The following ORC4 variants were observed in gnomAD, a reference collection of about 807,000 sequenced individuals.
ORC4 encodes the protein origin recognition complex subunit 4.
A neutral mutation model predicts 63.9 loss-of-function variants in ORC4; 55 were observed. That is an observed-to-expected ratio of 0.86 (90% CI 0.69 to 1.08). The LOEUF is 1.08. ORC4 is among the 50% of genes least tolerant of loss of function. The probability of loss-of-function intolerance (pLI) is 0.00; values close to 1 mark genes in which losing one functional copy is unlikely to be tolerated. For missense variants in ORC4, 511 were observed against 504.4 expected (o/e 1.01, Z -0.13); for synonymous variants, 150 against 168.5 (o/e 0.89, Z 0.85).
At chr2:147,939,767 T>A (rs748741670) in intron 10 of ORC4, among the ~76,000 whole-genome samples, 19 of 152,164 alleles carry the variant, frequency 1.2e-4, no homozygotes, top group Non-Finnish European at 2.4e-4. Flanking sequence ...CACAGTCTCC[T>A]TCTCTTGTGC....
chr2:147,973,148 G>T (rs1048412596), intron 3 of ORC4, among the ~76,000 whole-genome samples: 13 of 152,240 alleles, frequency 8.5e-5, no homozygotes, highest in African/African-American at 2.4e-4. Context: ...TAATACTCTG[G>T]ACTTTTACTC....
chr2:147,956,569 G>A (rs1353747782), intron 6 of ORC4, among the ~76,000 whole-genome samples: 2 of 151,816 alleles, frequency 1.3e-5, no homozygotes, highest in African/African-American at 2.4e-5. Context: ...TATGACCTTC[G>A]GCAACCTAAT....
At chr2:147,978,119 G>A (rs532972719) in intron 1 of ORC4, among the ~76,000 whole-genome samples, 1 of 152,110 alleles carries the variant, frequency 6.6e-6, no homozygotes, top group African/African-American at 2.4e-5. Flanking sequence ...CCAGGATGCT[G>A]GGTAGGCAGA....
chr2:147,945,611 T>TA (rs1251704290), intron 9 of ORC4, among the ~76,000 whole-genome samples: 1 of 152,118 alleles, frequency 6.6e-6, no homozygotes, highest in Non-Finnish European at 1.5e-5. Flanking sequence ...CATGCTAAGA[T>TA]AGAGTCTACT....
intron 4 of ORC4, among the ~76,000 whole-genome samples, chr2:147,959,218 TG>T (rs1689439129): frequency 6.6e-6 from 1 of 152,078 alleles, no homozygotes; most frequent in Non-Finnish European, 1.5e-5. Flanking sequence ...CACATCTCTC[TG>T]ACAATTACTC....
intron 1 of ORC4, among the ~76,000 whole-genome samples, chr2:147,996,523 T>C (rs778245941): frequency 1.8e-4 from 28 of 152,282 alleles, no homozygotes; most frequent in Non-Finnish European, 3.5e-4. Context: ...GGGGATAAAA[T>C]ATGTGAAAAA....
chr2:147,987,411 C>CACAA (rs1242096622), intron 1 of ORC4, among the ~76,000 whole-genome samples: 2 of 146,588 alleles, frequency 1.4e-5, no homozygotes, highest in Admixed American at 6.8e-5. Flanking sequence ...CACACACACA[C>CACAA]AAAAAGTAAC....
intron 1 of ORC4, among the ~76,000 whole-genome samples, chr2:147,997,933 A>G (rs1692067336): frequency 6.6e-6 from 1 of 152,222 alleles, no homozygotes; most frequent in Non-Finnish European, 1.5e-5. Flanking sequence ...AAAATTTTAA[A>G]AACATGATGC....
In ORC4 at chr2:147,987,736, G is replaced by A. The variant is rs557177896; in HGVS notation, c.-17-11761C>T. Among the ~76,000 whole-genome samples the A allele has an allele frequency of 2.6e-5, 4 of 152,096 alleles. No individual in the cohort carries two copies. The East Asian group carries it at 5.8e-4, about 22-fold the overall frequency. Reference sequence around the variant, plus strand: ...ATATAAATGGTCAGTAAGGTGGCTGGTGCAAAATAACCCTCTGGAATAAGA... The same window carrying A: ...ATATAAATGGTCAGTAAGGTGGCTGATGCAAAATAACCCTCTGGAATAAGA... On this transcript the variant is annotated intron_variant, in intron 1 of 13. Transcript: ENST00000392857.
intron 1 of ORC4, among the ~76,000 whole-genome samples, chr2:148,002,814 T>C (rs1692397334): frequency 6.6e-6 from 1 of 151,974 alleles, no homozygotes; most frequent in Non-Finnish European, 1.5e-5. Context: ...AAAAAATAAA[T>C]GAATCCAGGA....
chr2:147,964,557 TGA>T (rs373529112), intron 4 of ORC4, among the ~76,000 whole-genome samples: 4 of 152,162 alleles, frequency 2.6e-5, no homozygotes, highest in Non-Finnish European at 4.4e-5. Flanking sequence ...TCCCAGTTCT[TGA>T]GAGAGGAATG....
intron 6 of ORC4, among the ~76,000 whole-genome samples, chr2:147,956,220 A>T (rs1287946732): frequency 6.6e-6 from 1 of 152,120 alleles, no homozygotes; most frequent in Non-Finnish European, 1.5e-5. Flanking sequence ...GATCTAACAT[A>T]AAAATAGCAT....
intron 1 of ORC4, among the ~76,000 whole-genome samples, chr2:147,988,052 CAAAA>C (rs1213881150): frequency 5.0e-5 from 3 of 60,232 alleles, no homozygotes; most frequent in African/African-American, 6.3e-5. Flanking sequence ...GACTCTGTCT[CAAAA>C]AAAAAAAAAA....
upstream of ORC4, chr2:148,021,415 GA>G (rs1381403337): frequency 1.5e-5 from 8 of 536,844 alleles, no homozygotes; most frequent in Non-Finnish European, 2.9e-5. Context: ...GAGGAGGAGA[GA>G]AAGAAACCAA....
chr2:147,975,134 A>G (rs13027706), intron 2 of ORC4, among the ~76,000 whole-genome samples: 49,524 of 151,968 alleles, frequency 0.33, 8,313 homozygotes, highest in East Asian at 0.51. Context: ...TTATTTAAAA[A>G]CTACATGGAG....
chr2:147,946,058 A>C (rs1053283481), intron 9 of ORC4, among the ~76,000 whole-genome samples: 7 of 152,118 alleles, frequency 4.6e-5, no homozygotes, highest in African/African-American at 1.7e-4. Context: ...CAGGGGATTT[A>C]AGGTCTGCAA....
In ORC4 at chr2:147,938,658, A is replaced by G; in HGVS notation, c.959-265T>C. ...AAAGATTGGCGAAATATTATCAGGCACTCACCATATGGCCCACAGTAAACA... is the reference window on the plus strand; with the variant it reads ...AAAGATTGGCGAAATATTATCAGGCGCTCACCATATGGCCCACAGTAAACA... On this transcript the variant is annotated intron_variant, in intron 11 of 13. Coordinates refer to ENST00000392857, the MANE Select transcript of ORC4 (RefSeq NM_181741.4). 2.1e-5 allele frequency: 9 copies of G among 434,566 alleles called. No homozygotes were observed. The South Asian group carries it at 2.2e-4, about 10-fold the overall frequency. 26.9% of individuals were successfully genotyped at this position (434,566 alleles called of 1,614,324 possible).
intron 5 of ORC4, 200 bp downstream of exon 5, chr2:147,958,591 A>C (rs1425417334): frequency 5.2e-6 from 3 of 578,318 alleles, no homozygotes; most frequent in African/African-American, 1.9e-5. Context: ...AAACCAAAAA[A>C]CCCACAAAAA....
intron 12 of ORC4, 33 bp from the exon 13 acceptor site, chr2:147,938,246 C>T: frequency 6.3e-7 from 1 of 1,597,738 alleles, no homozygotes; most frequent in South Asian, 1.1e-5. Flanking sequence ...ATTATACCTT[C>T]AAATAAGCAG....
Sources: allele counts gnomAD v4.1 joint callset (sites outside exome capture counted in the v4.1 genomes callset), GRCh38; gene constraint gnomAD v4.1.1; transcripts MANE v1.5; gene names NCBI Gene and HGNC (gene_info 2026-07-23, HGNC 2026-07-21).